Variants in CDH12 observed in about 807,000 individuals in gnomAD.
CDH12 encodes cadherin-12.
In CDH12, 41 loss-of-function variants were observed where a neutral mutation model predicts 74.1. That is an observed-to-expected ratio of 0.55 (90% CI 0.43 to 0.72). The LOEUF (loss-of-function observed/expected upper bound fraction) is 0.72. Ranked by LOEUF, CDH12 falls within the 30% of genes least tolerant of loss-of-function variation. The pLI, the probability that CDH12 is intolerant of heterozygous loss-of-function variation, is 0.00. For synonymous variants in CDH12, 399 were observed against 355.0 expected (o/e 1.12, Z -1.39); for missense variants, 945 against 977.2 (o/e 0.97, Z 0.44).
At chr5:21,858,834 T>C (rs946828493) in intron 6 of CDH12, among the ~76,000 whole-genome samples, 1 of 151,992 alleles carries the variant, frequency 6.6e-6, no homozygotes, top group East Asian at 1.9e-4. Context: ...ACTTTCCTTT[T>C]CCCCCTAATT....
chr5:22,842,026 A>C (rs1377227048), intron 1 of CDH12, among the ~76,000 whole-genome samples: 3 of 152,168 alleles, frequency 2.0e-5, no homozygotes, highest in African/African-American at 4.8e-5. Context: ...TAGGTGGCAA[A>C]AAATACTTGA....
At chr5:21,955,111 AT>A (rs573531370) in intron 6 of CDH12, among the ~76,000 whole-genome samples, 1 of 151,688 alleles carries the variant, frequency 6.6e-6, no homozygotes, top group Non-Finnish European at 1.5e-5. Context: ...TCTGCGTTTG[AT>A]TTTTTTTACA....
chr5:22,002,490 A>G (rs1736662962), intron 5 of CDH12, among the ~76,000 whole-genome samples: 1 of 152,152 alleles, frequency 6.6e-6, no homozygotes, highest in East Asian at 1.9e-4. Flanking sequence ...AAAAAATGAT[A>G]TTTATTCATT....
chr5:22,296,325 C>T (rs918608333), intron 3 of CDH12, among the ~76,000 whole-genome samples: 1 of 151,916 alleles, frequency 6.6e-6, no homozygotes, highest in African/African-American at 2.4e-5. Context: ...AAATCAGAGA[C>T]CTATTCCAAA....
At chr5:22,714,270 A>T (rs1303996635) in intron 1 of CDH12, among the ~76,000 whole-genome samples, 1 of 152,148 alleles carries the variant, frequency 6.6e-6, no homozygotes, top group African/African-American at 2.4e-5. Flanking sequence ...TCTGAACTTA[A>T]CCTTTTTTCA....
intron 5 of CDH12, among the ~76,000 whole-genome samples, chr5:22,071,493 T>C (rs1483568856): frequency 6.6e-6 from 1 of 152,172 alleles, no homozygotes; most frequent in Non-Finnish European, 1.5e-5. Flanking sequence ...TCAACATTTG[T>C]TGTCATTCCT....
intron 3 of CDH12, among the ~76,000 whole-genome samples, chr5:22,216,228 T>C (rs918659329): frequency 2.0e-5 from 3 of 152,018 alleles, no homozygotes; most frequent in Non-Finnish European, 2.9e-5. Flanking sequence ...ACAGTGTAAA[T>C]TGTGATTGTG....
At chr5:22,243,413 TAA>T (rs1158132797) in intron 3 of CDH12, among the ~76,000 whole-genome samples, 1 of 151,836 alleles carries the variant, frequency 6.6e-6, no homozygotes, top group African/African-American at 2.4e-5. Flanking sequence ...TATTTTATCA[TAA>T]GTTAGGTGCA....
intron 1 of CDH12, among the ~76,000 whole-genome samples, chr5:22,551,891 GTTTTA>G (rs1354754099): frequency 3.3e-5 from 5 of 152,160 alleles, no homozygotes; most frequent in African/African-American, 9.6e-5. Context: ...AGACATGATG[GTTTTA>G]TTTTATTTCC....
chr5:22,020,383 G>A (rs996678099), intron 5 of CDH12, among the ~76,000 whole-genome samples: 19 of 151,880 alleles, frequency 1.3e-4, no homozygotes, highest in Admixed American at 2.6e-4. Flanking sequence ...GTGAAACCCC[G>A]TCTCTACTAA....
intron 5 of CDH12, among the ~76,000 whole-genome samples, chr5:22,077,071 TGTGTGTGC>T (rs1008477319): frequency 2.2e-5 from 3 of 135,226 alleles, no homozygotes; most frequent in Admixed American, 7.5e-5. Context: ...TGTGTGTGTG[TGTGTGTGC>T]GCGTGTGTAT....
intron 1 of CDH12, among the ~76,000 whole-genome samples, chr5:22,847,377 A>T (rs781312534): frequency 2.6e-5 from 4 of 152,164 alleles, no homozygotes; most frequent in Non-Finnish European, 5.9e-5. Flanking sequence ...CCTCATGGAA[A>T]TATTGACTCA....
rs373107930 is a variant in CDH12 at position 22,219,399 on chromosome 5, AT to A, written c.-332-6757del. On this transcript the variant is annotated intron_variant, in intron 3 of 14. Coordinates refer to ENST00000382254, the MANE Select transcript of CDH12 (RefSeq NM_004061.5). Reference sequence around the variant, plus strand: ...TATTAACCTCTGAATACCATATTTCATTCTCCTCTCAGTTATACTGACTGTA... The same window carrying A: ...TATTAACCTCTGAATACCATATTTCATCTCCTCTCAGTTATACTGACTGTA... Among the ~76,000 whole-genome samples, 10 of 151,796 alleles carry A rather than the reference AT, an allele frequency of 6.6e-5. No homozygotes were observed. The East Asian group carries it at 1.5e-3, about 23-fold the overall frequency.
chr5:22,522,870 C>G (rs1406120740), intron 1 of CDH12, among the ~76,000 whole-genome samples: 1 of 152,158 alleles, frequency 6.6e-6, no homozygotes, highest in Non-Finnish European at 1.5e-5. Context: ...CCTGATCTCA[C>G]TCCCCTAATT....
chr5:21,833,639 A>T (rs1749364531), intron 8 of CDH12, among the ~76,000 whole-genome samples: 1 of 110,354 alleles, frequency 9.1e-6, no homozygotes, highest in Admixed American at 1.2e-4. Flanking sequence ...TGTATCTCAT[A>T]TATATGCATA....
intron 1 of CDH12, among the ~76,000 whole-genome samples, chr5:22,513,026 G>C (rs1255055037): frequency 6.6e-6 from 1 of 152,182 alleles, no homozygotes. Flanking sequence ...AACAGGGCGA[G>C]ACGCTGTCTA....
At chr5:22,509,261 T>C (rs146786761) in intron 1 of CDH12, among the ~76,000 whole-genome samples, 1 of 152,332 alleles carries the variant, frequency 6.6e-6, no homozygotes, top group African/African-American at 2.4e-5. Flanking sequence ...ACTGATAACC[T>C]GCAATTATGT....
intron 1 of CDH12, among the ~76,000 whole-genome samples, chr5:22,602,595 G>A (rs543342478): frequency 3.9e-5 from 6 of 152,178 alleles, no homozygotes; most frequent in Non-Finnish European, 7.4e-5. Context: ...ACATGAGTGA[G>A]AGAATACTGT....
chr5:22,119,157 C>T (rs150795109), intron 4 of CDH12, among the ~76,000 whole-genome samples: 1 of 152,056 alleles, frequency 6.6e-6, no homozygotes, highest in African/African-American at 2.4e-5. Context: ...AAACACTAAA[C>T]CTTGCTCAGT....
Sources: gnomAD v4.1 joint callset for allele counts (sites outside exome capture counted in the v4.1 genomes callset) on GRCh38, gnomAD v4.1.1 for gene constraint, MANE v1.5 for transcripts, NCBI Gene and HGNC (gene_info 2026-07-23, HGNC 2026-07-21) for gene names.